Variants in RIOK2 observed in about 807,000 individuals in gnomAD.
RIOK2 encodes serine/threonine-protein kinase RIO2.
In RIOK2, 46 loss-of-function variants were observed where a neutral mutation model predicts 62.4. That is an observed-to-expected ratio of 0.74 (90% CI 0.58 to 0.94). The LOEUF (loss-of-function observed/expected upper bound fraction) is 0.94. Ranked by LOEUF, RIOK2 falls within the 40% of genes least tolerant of loss-of-function variation. RIOK2 has a pLI of 0.00. For missense variants in RIOK2, 574 were observed against 658.0 expected (o/e 0.87, Z 1.40); for synonymous variants, 197 against 216.0 (o/e 0.91, Z 0.77).
intron 1 of RIOK2, 37 bp from the exon 2 acceptor site, chr5:97,179,230 C>T (rs759374916): frequency 6.3e-7 from 1 of 1,597,900 alleles, no homozygotes; most frequent in East Asian, 2.2e-5. Flanking sequence ...TCATAATCAA[C>T]ACAAAGCCTT....
Position 97,163,065 on chromosome 5 carries a change from T to C in RIOK2, c.1655A>G (p.Glu552Gly). ...ATATCCAAGATCCTAAATATATTAT[T>C]CTCCCCAAAAGCTGGCTGCTTCCAA... Reference protein sequence around the residue: ...SSLEAASFWGE With the variant: ...SSLEAASFWGG The change falls in exon 10 of 10, where the codon GAA (glutamate) becomes GGA (glycine). Residue 552 changes from glutamate (E) to glycine (G), a missense_variant. By Grantham distance (98) the Glu-to-Gly change is moderately conservative (BLOSUM62 -2). Coordinates refer to ENST00000283109, the MANE Select transcript of RIOK2 (RefSeq NM_018343.3). 1 of 1,608,970 alleles carries C rather than the reference T, an allele frequency of 6.2e-7. No individual in the cohort carries two copies. Among genetic ancestry groups the C allele is most frequent in the East Asian group, 2.2e-5 (1 of 44,726 alleles).
intron 5 of RIOK2, among the ~76,000 whole-genome samples, chr5:97,172,649 A>G (rs316193): frequency 0.34 from 51,554 of 152,076 alleles, 10,149 homozygotes; most frequent in East Asian, 0.46. Flanking sequence ...GATTGATGAG[A>G]TCACATCTCT....
rs1457048285 is a variant in RIOK2, at chr5:97,167,547, AG to A, written c.1316del (p.Pro439LeufsTer14). 20 of 1,614,094 alleles carry A rather than the reference AG, an allele frequency of 1.2e-5. No homozygotes were observed. The highest frequency in any genetic ancestry group is 1.7e-5 in the Admixed American group (1 of 60,012). On this transcript the variant is annotated frameshift_variant, in exon 8 of 10. Transcript: ENST00000283109. LOFTEE classifies it high-confidence loss of function. ...QDGQRVQGGV[P>X]AGSDEYEDEC... ...CATCTTCATACTCGTCAGAGCCAGCAGGGACTCCTCCTTGAACTCTCTGACC... is the reference window on the plus strand; with the variant it reads ...CATCTTCATACTCGTCAGAGCCAGCAGGACTCCTCCTTGAACTCTCTGACC...
At chr5:97,166,946 TTG>T in intron 8 of RIOK2, 1 of 905,316 alleles carries the variant, frequency 1.1e-6, no homozygotes, top group Non-Finnish European at 1.3e-6. Context: ...ACGGAGTTTT[TTG>T]CTCGTCACCC....
chr5:97,181,087 C>A (rs1429677013), intron 1 of RIOK2, among the ~76,000 whole-genome samples: 1 of 151,868 alleles, frequency 6.6e-6, no homozygotes, highest in Non-Finnish European at 1.5e-5. Flanking sequence ...TTCTGGCCAA[C>A]ATGGTGAAAC....
intron 8 of RIOK2, chr5:97,166,922 T>C (rs918163647): frequency 1.0e-6 from 1 of 959,090 alleles, no homozygotes; most frequent in Non-Finnish European, 1.2e-6. Flanking sequence ...TGTATATATA[T>C]ATATATTTTT....
Position 97,161,248 on chromosome 5 carries a change from A to G in RIOK2, c.*1813T>C, listed in dbSNP as rs1001991177. The G allele has an allele frequency of 2.6e-5, 4 of 152,184 alleles. No homozygotes were observed. Among genetic ancestry groups the G allele is most frequent in the African/African-American group, 9.7e-5 (4 of 41,448 alleles). The allele number at this position is 152,184 out of a possible 1,614,324, so 9.4% of individuals were successfully genotyped here. On this transcript the variant is annotated 3_prime_UTR_variant, in exon 10 of 10. Coordinates refer to ENST00000283109, the MANE Select transcript of RIOK2 (RefSeq NM_018343.3). ...ACCAGGATTTAAATCTGGAACTCCT[A>G]GGCAAAAAAAAGTGTTTTAACAATC...
intron 6 of RIOK2, among the ~76,000 whole-genome samples, chr5:97,170,530 G>A (rs1748972694): frequency 6.6e-6 from 1 of 152,152 alleles, no homozygotes; most frequent in South Asian, 2.1e-4. Flanking sequence ...AAGAAAAAGG[G>A]AAAGACAAAA....
intron 4 of RIOK2, among the ~76,000 whole-genome samples, chr5:97,175,403 C>T (rs752414841): frequency 4.6e-5 from 7 of 152,162 alleles, no homozygotes; most frequent in Admixed American, 2.6e-4. Context: ...ATGCTATAGC[C>T]CAATCTTTAT....
chr5:97,166,665 C>T (rs1441164896), intron 8 of RIOK2: 4 of 629,034 alleles, frequency 6.4e-6, no homozygotes, highest in Non-Finnish European at 7.9e-6. Flanking sequence ...TAAAAGAAAA[C>T]ATAATATCAT....
At chr5:97,182,717 G>C in intron 1 of RIOK2, 2 of 218,136 alleles carry the variant, frequency 9.2e-6, no homozygotes, top group South Asian at 1.2e-4. Context: ...TTGACTGAAT[G>C]AATCAGAAAG....
At position 97,177,742 on chromosome 5, in the gene RIOK2, G is replaced by A; in HGVS notation, c.312C>T (p.Gly104=). The A allele has an allele frequency of 6.3e-7, 1 of 1,597,228 alleles. No homozygotes were observed. Among genetic ancestry groups the A allele is most frequent in the Non-Finnish European group, 8.6e-7 (1 of 1,165,020 alleles). ...VESVGNQMGV[G]KESDIYIVAN... ...ACTATTAGCACTTACCTGATTCTTT[G>A]CCAACACCCATCTGGTTTCCAACAG... The change falls in exon 3 of 10, where the codon GGC becomes GGT. Residue 104 remains glycine (G), a synonymous_variant. Coordinates refer to ENST00000283109, the MANE Select transcript of RIOK2 (RefSeq NM_018343.3).
rs755515805 is a variant in RIOK2 at position 97,179,173 on chromosome 5, G to T, written c.87C>A (p.Asn29Lys). The change falls in exon 2 of 10, where the codon AAC (asparagine) becomes AAA (lysine). Residue 29 changes from asparagine (N) to lysine (K), a missense_variant. Physicochemically the swap from Asn to Lys is moderately conservative, Grantham distance 94 (BLOSUM62 0). Transcript: ENST00000283109. ...VLTAVEMGMK[N>K]HEIVPGSLIA... ...TCAAACTGCCGGGAACAATTTCATG[G>T]TTCTTCATGCCCATTTCAACCTGAA... The T allele has an allele frequency of 6.2e-6, 10 of 1,613,532 alleles. No individual in the cohort carries two copies. Among genetic ancestry groups the T allele is most frequent in the Non-Finnish European group, 6.8e-6 (8 of 1,179,852 alleles).
chr5:97,182,107 A>G (rs1303798505), intron 1 of RIOK2, among the ~76,000 whole-genome samples: 1 of 119,712 alleles, frequency 8.4e-6, no homozygotes, highest in East Asian at 2.5e-4. Context: ...CCTTACCAAA[A>G]GATAACGGCT....
chr5:97,179,391 C>T (rs929477545), intron 1 of RIOK2, among the ~76,000 whole-genome samples, 198 bp from the exon 2 acceptor site: 1 of 152,122 alleles, frequency 6.6e-6, no homozygotes, highest in Non-Finnish European at 1.5e-5. Context: ...TATTGGCTTT[C>T]CATTTCAAGA....
chr5:97,176,859 G>T, intron 4 of RIOK2: 1 of 368,986 alleles, frequency 2.7e-6, no homozygotes, highest in Non-Finnish European at 4.9e-6. Context: ...ATTACTTTTG[G>T]CTCTTTCATC....
Position 97,173,094 on chromosome 5 carries a change from A to T in RIOK2, c.587+81T>A, listed in dbSNP as rs555017031. ...ACCTCCCAGAGGCAATATTTCATTA[A>T]CTAAAAAAAATTTTATTAAAAACCC... On this transcript the variant is annotated intron_variant, in intron 5 of 9. Coordinates refer to ENST00000283109, the MANE Select transcript of RIOK2 (RefSeq NM_018343.3). 4.1e-6 allele frequency: 4 copies of T among 983,164 alleles called. No homozygotes were observed. In the East Asian group the frequency reaches 1.1e-4, roughly 26 times the overall value. The allele number at this position is 983,164 out of a possible 1,614,324, so 60.9% of individuals were successfully genotyped here.
At chr5:97,179,981 T>TATATATA (rs1749299698) in intron 1 of RIOK2, among the ~76,000 whole-genome samples, 10 of 61,560 alleles carry the variant, frequency 1.6e-4, no homozygotes, top group South Asian at 1.5e-3. Flanking sequence ...ATATATAATA[T>TATATATA]ATATATATAA....
intron 2 of RIOK2, chr5:97,178,843 C>CA: frequency 3.3e-6 from 2 of 603,916 alleles, no homozygotes; most frequent in Non-Finnish European, 5.8e-6. Context: ...GCAGTACCTA[C>CA]ATGTTCTTAC....
Sources: gnomAD v4.1 joint callset for allele counts (sites outside exome capture counted in the v4.1 genomes callset) on GRCh38, gnomAD v4.1.1 for gene constraint, MANE v1.5 for transcripts, NCBI Gene and HGNC (gene_info 2026-07-23, HGNC 2026-07-21) for gene names.